Variants in GNAI1 observed in about 807,000 individuals in gnomAD.
GNAI1 encodes the protein G protein subunit alpha i1, also known as guanine nucleotide-binding protein G(i) subunit alpha-1.
Under a neutral mutation model 38.9 loss-of-function variants are expected in GNAI1, and 11 were observed. The ratio of observed to expected loss-of-function variants is 0.28; its 90% CI spans 0.18 to 0.47. The LOEUF is 0.47. GNAI1 is among the 20% of genes least tolerant of loss of function. GNAI1 has a pLI of 0.99. For missense variants in GNAI1, 317 were observed against 436.9 expected (o/e 0.73, Z 2.45); for synonymous variants, 166 against 145.1 (o/e 1.14, Z -1.04).
Position 80,220,512 on chromosome 7 carries a change from T to C in GNAI1, c.*3019T>C, listed in dbSNP as rs987621033. Among the ~76,000 whole-genome samples, 36 of 152,288 alleles carry C rather than the reference T, an allele frequency of 2.4e-4. No individual in the cohort carries two copies. The highest frequency in any genetic ancestry group is 6.7e-4 in the African/African-American group (28 of 41,568). On this transcript the variant is annotated 3_prime_UTR_variant, in exon 8 of 8. Transcript: ENST00000649796. ...TAGGCTTAGACCTGACCAATCCGAG[T>C]CCTCCAGCATTGGACGAGTGAGCCA...
rs1187025320 is a variant in GNAI1, at chr7:80,141,836, G to C, written c.118+6558G>C. On this transcript the variant is annotated intron_variant, in intron 1 of 7. Transcript: ENST00000649796. ...TAATGTCCAGGTTCATAGCTTACAAGGTCTGCTTTCCACGTAACTGCTGGA... is the reference window on the plus strand; with the variant it reads ...TAATGTCCAGGTTCATAGCTTACAACGTCTGCTTTCCACGTAACTGCTGGA... 2.6e-5 allele frequency among the ~76,000 whole-genome samples: 4 copies of C among 152,068 alleles called. 1 individual carries two copies. Among genetic ancestry groups the C allele is most frequent in the Non-Finnish European group, 5.9e-5 (4 of 68,006 alleles).
intron 1 of GNAI1, among the ~76,000 whole-genome samples, chr7:80,141,063 A>G (rs1038021742): frequency 6.6e-6 from 1 of 152,218 alleles, no homozygotes; most frequent in Admixed American, 6.5e-5. Context: ...GCCCACCCAC[A>G]TAATCCAAGT....
At position 80,189,225 on chromosome 7, in the gene GNAI1, C is replaced by G. The variant is rs751242864; in HGVS notation, c.297C>G (p.Ala99=). The G allele has an allele frequency of 2.1e-5, 34 of 1,610,362 alleles. No individual in the cohort carries two copies. Among genetic ancestry groups the G allele is most frequent in the Non-Finnish European group, 9.3e-6 (11 of 1,178,940 alleles). Residue 99 remains alanine, a synonymous_variant, in exon 3 of 8, where the codon GCC becomes GCG. Coordinates refer to ENST00000649796, the MANE Select transcript of GNAI1 (RefSeq NM_002069.6). ...GRLKIDFGDS[A]RADDARQLFV... is the part of the protein sequence containing the mutation. ...TGAAGATAGACTTTGGTGACTCAGC[C>G]CGGGCGGTAAGTTATTAAATTTGTT...
chr7:80,183,654 T>G (rs1407034280), intron 1 of GNAI1, among the ~76,000 whole-genome samples: 1 of 151,976 alleles, frequency 6.6e-6, no homozygotes, highest in African/African-American at 2.4e-5. Flanking sequence ...AAAAAAAAGA[T>G]ACTTGTTTTC....
At chr7:80,193,188 A>T (rs778528719) in intron 3 of GNAI1, among the ~76,000 whole-genome samples, 40 of 152,218 alleles carry the variant, frequency 2.6e-4, no homozygotes, top group Non-Finnish European at 4.1e-4. Context: ...CTGCCAGATG[A>T]ACTTGAGAGC....
chr7:80,223,795 C>G lies in GNAI1; in HGVS notation c.*6302C>G, dbSNP rs186186344. On this transcript the variant is annotated 3_prime_UTR_variant, in exon 8 of 8. Transcript: ENST00000649796. ...GGCAATTTACCTGTAATAAATATAA[C>G]TTTTTTGCAGACTTGAGCATACGTT... is the stretch of plus-strand genomic sequence containing the variant. Among the ~76,000 whole-genome samples the G allele has an allele frequency of 7.9e-5, 12 of 152,214 alleles. No individual in the cohort carries two copies. The highest frequency in any genetic ancestry group is 1.2e-4 in the Non-Finnish European group (8 of 68,010).
intron 1 of GNAI1, among the ~76,000 whole-genome samples, chr7:80,174,831 A>G (rs1788154409): frequency 6.6e-6 from 1 of 152,196 alleles, no homozygotes; most frequent in Non-Finnish European, 1.5e-5. Context: ...ACCCCATGTC[A>G]TTCAGGGATC....
At chr7:80,156,042 CAAAA>C (rs1182960135) in intron 1 of GNAI1, among the ~76,000 whole-genome samples, 19 of 68,524 alleles carry the variant, frequency 2.8e-4, no homozygotes, top group South Asian at 2.5e-3. Flanking sequence ...GACTCTGTCT[CAAAA>C]AAAAAAAAAA....
intron 1 of GNAI1, among the ~76,000 whole-genome samples, chr7:80,170,259 A>C (rs891145718): frequency 5.3e-5 from 8 of 152,218 alleles, no homozygotes; most frequent in African/African-American, 1.9e-4. Flanking sequence ...CCTAGCAAGC[A>C]GTGTATGAAG....
chr7:80,210,414 C>G (rs937386343), intron 5 of GNAI1, among the ~76,000 whole-genome samples: 3 of 152,080 alleles, frequency 2.0e-5, no homozygotes, highest in Non-Finnish European at 2.9e-5. Flanking sequence ...CAAACCTACC[C>G]TATCTGAATT....
intron 1 of GNAI1, among the ~76,000 whole-genome samples, chr7:80,157,975 C>G (rs1292719857): frequency 6.6e-6 from 1 of 152,178 alleles, no homozygotes; most frequent in Non-Finnish European, 1.5e-5. Context: ...TCCCAAAGTG[C>G]TGGGATTACA....
intron 1 of GNAI1, among the ~76,000 whole-genome samples, chr7:80,184,116 T>G (rs1455074140): frequency 6.6e-6 from 1 of 152,172 alleles, no homozygotes; most frequent in Non-Finnish European, 1.5e-5. Context: ...CTGTTACCAG[T>G]AGCGAATCTG....
intron 1 of GNAI1, among the ~76,000 whole-genome samples, chr7:80,157,947 G>C (rs771133342): frequency 7.2e-5 from 11 of 152,048 alleles, no homozygotes; most frequent in Non-Finnish European, 1.3e-4. Flanking sequence ...GACCTCAAGT[G>C]ATTCATCCAC....
In GNAI1 at chr7:80,224,610, A is replaced by C. The variant is rs890990205; in HGVS notation, c.*7117A>C. Among the ~76,000 whole-genome samples the C allele has an allele frequency of 6.6e-6, 1 of 152,240 alleles. No homozygotes were observed. Among genetic ancestry groups the C allele is most frequent in the African/African-American group, 2.4e-5 (1 of 41,458 alleles). ...AGATGTTAATAAGTATGCATGATGC[A>C]CATTAGCATGTCAATGGCTGTGAAA... is the stretch of plus-strand genomic sequence containing the variant. On this transcript the variant is annotated 3_prime_UTR_variant, in exon 8 of 8. Transcript: ENST00000649796.
At chr7:80,170,422 C>T (rs1226890295) in intron 1 of GNAI1, among the ~76,000 whole-genome samples, 2 of 152,122 alleles carry the variant, frequency 1.3e-5, no homozygotes, top group African/African-American at 4.8e-5. Context: ...TGTTTATTAA[C>T]CTCTCTGAAA....
chr7:80,198,022 A>G (rs532516805), intron 3 of GNAI1, among the ~76,000 whole-genome samples: 1 of 152,146 alleles, frequency 6.6e-6, no homozygotes, highest in South Asian at 2.1e-4. Flanking sequence ...ATCTCAAGTT[A>G]AGGAGAATCT....
At position 80,210,290 on chromosome 7, in the gene GNAI1, T is replaced by C. The variant is rs566193804; in HGVS notation, c.591-679T>C. Among the ~76,000 whole-genome samples the C allele has an allele frequency of 3.8e-4, 58 of 152,328 alleles. 1 individual carries two copies. The South Asian group carries it at 0.012, about 30-fold the overall frequency. ...ACTAACCTATAGTGGTTCACTCTTGTATAAAAATTGAATTTTTTTCATTCT... is the reference window on the plus strand; with the variant it reads ...ACTAACCTATAGTGGTTCACTCTTGCATAAAAATTGAATTTTTTTCATTCT... On this transcript the variant is annotated intron_variant, in intron 5 of 7. Coordinates refer to ENST00000649796, the MANE Select transcript of GNAI1 (RefSeq NM_002069.6).
chr7:80,210,888 G>A lies in GNAI1; in HGVS notation c.591-81G>A, dbSNP rs565373193. The A allele has an allele frequency of 1.1e-3, 1,378 of 1,224,860 alleles. 1 individual carries two copies. The highest frequency in any genetic ancestry group is 1.5e-3 in the South Asian group (110 of 73,142). The allele number at this position is 1,224,860 out of a possible 1,614,324, so 75.9% of individuals were successfully genotyped here. ...TCAGACATTTCCACAACTATTCAGA[G>A]CTTTTTTTGTTAGCATTAAAGAACT... On this transcript the variant is annotated intron_variant, in intron 5 of 7. Coordinates refer to ENST00000649796, the MANE Select transcript of GNAI1 (RefSeq NM_002069.6).
At chr7:80,136,875 A>G (rs755273838) in intron 1 of GNAI1, among the ~76,000 whole-genome samples, 1 of 152,140 alleles carries the variant, frequency 6.6e-6, no homozygotes, top group Non-Finnish European at 1.5e-5. Context: ...ACTGTTAGGG[A>G]TGGACTAGAA....
Sources: allele counts gnomAD v4.1 joint callset (sites outside exome capture counted in the v4.1 genomes callset), GRCh38; gene constraint gnomAD v4.1.1; transcripts MANE v1.5; gene names NCBI Gene and HGNC (gene_info 2026-07-23, HGNC 2026-07-21).